The following SLC14A2 variants were observed in gnomAD, a reference collection of about 807,000 sequenced individuals.
SLC14A2 encodes urea transporter 2.
Under a neutral mutation model 104.6 loss-of-function variants are expected in SLC14A2, and 91 were observed. That is an observed-to-expected ratio of 0.87 (90% CI 0.73 to 1.04). The LOEUF is 1.04. Among genes scored for constraint, SLC14A2 ranks in the 50% least tolerant of loss-of-function variants. The pLI, the probability that SLC14A2 is intolerant of heterozygous loss-of-function variation, is 0.00. For missense variants in SLC14A2, 1,189 were observed against 1,156.0 expected (o/e 1.03, Z -0.41); for synonymous variants, 476 against 466.4 (o/e 1.02, Z -0.27).
intron 1 of SLC14A2, among the ~76,000 whole-genome samples, chr18:45,396,891 C>T (rs1005385090): frequency 6.6e-6 from 1 of 151,976 alleles, no homozygotes; most frequent in African/African-American, 2.4e-5. Flanking sequence ...ATCATTTAGC[C>T]CCCACTTATA....
At chr18:45,643,209 C>T (rs763370616) in intron 9 of SLC14A2, 28 bp downstream of exon 9, 2 of 1,603,596 alleles carry the variant, frequency 1.2e-6, no homozygotes, top group Non-Finnish European at 1.7e-6. Context: ...TGAACACTAC[C>T]CCAAAGTGCT....
chr18:45,284,765 G>A (rs563291565), intron 1 of SLC14A2, among the ~76,000 whole-genome samples: 3 of 152,158 alleles, frequency 2.0e-5, no homozygotes, highest in Non-Finnish European at 2.9e-5. Context: ...TACAAAACGA[G>A]GGTCTGGGGG....
At chr18:45,483,830 C>A (rs1022762172) in intron 2 of SLC14A2, among the ~76,000 whole-genome samples, 20 of 152,094 alleles carry the variant, frequency 1.3e-4, no homozygotes, top group African/African-American at 4.8e-4. Flanking sequence ...TGCCAGGCAT[C>A]GATTTATTGG....
intron 10 of SLC14A2, among the ~76,000 whole-genome samples, chr18:45,657,199 C>T (rs2045850623): frequency 6.6e-6 from 1 of 152,154 alleles, no homozygotes; most frequent in Admixed American, 6.5e-5. Flanking sequence ...AGGCCGGGCA[C>T]AGTGGCTCAC....
At chr18:45,532,193 T>C (rs927425774) in intron 2 of SLC14A2, among the ~76,000 whole-genome samples, 4 of 152,334 alleles carry the variant, frequency 2.6e-5, no homozygotes, top group East Asian at 1.9e-4. Flanking sequence ...GGCTCTTTTT[T>C]GGTTCCATAC....
At chr18:45,365,686 G>T (rs1245624047) in intron 1 of SLC14A2, among the ~76,000 whole-genome samples, 3 of 152,114 alleles carry the variant, frequency 2.0e-5, no homozygotes, top group Non-Finnish European at 4.4e-5. Context: ...ATGTCACTTG[G>T]GCAACACTTT....
At chr18:45,412,125 C>G (rs1265785020) in intron 1 of SLC14A2, among the ~76,000 whole-genome samples, 3 of 152,204 alleles carry the variant, frequency 2.0e-5, no homozygotes, top group African/African-American at 7.2e-5. Context: ...TCTCCCACTG[C>G]CTCAAGACTT....
intron 1 of SLC14A2, among the ~76,000 whole-genome samples, chr18:45,401,840 T>A (rs906132832): frequency 6.6e-6 from 1 of 152,124 alleles, no homozygotes; most frequent in Admixed American, 6.5e-5. Flanking sequence ...GGTGATACAT[T>A]AGATATGCTT....
At chr18:45,246,185 A>T (rs1193145533) in intron 1 of SLC14A2, among the ~76,000 whole-genome samples, 1 of 152,194 alleles carries the variant, frequency 6.6e-6, no homozygotes, top group Admixed American at 6.5e-5. Context: ...ATATATTCAC[A>T]TAGAGAGGAA....
the SLC14A2 span, among the ~76,000 whole-genome samples, chr18:45,201,421 G>A: frequency 0.01 from 1,542 of 152,010 alleles, 12 homozygotes; most frequent in Non-Finnish European, 0.018. Flanking sequence ...CATTTATATC[G>A]GTATGGACTC....
At chr18:45,378,784 T>C (rs1004117969) in intron 1 of SLC14A2, among the ~76,000 whole-genome samples, 11 of 152,112 alleles carry the variant, frequency 7.2e-5, no homozygotes, top group African/African-American at 2.7e-4. Context: ...GTTGTTGTTG[T>C]TTTGTTTTTT....
intron 2 of SLC14A2, among the ~76,000 whole-genome samples, chr18:45,565,717 A>C (rs2044257420): frequency 6.6e-6 from 1 of 152,208 alleles, no homozygotes; most frequent in Non-Finnish European, 1.5e-5. Flanking sequence ...ACATACAGCC[A>C]GGGCTGAATC....
At chr18:45,352,567 G>T (rs189502063) in intron 1 of SLC14A2, among the ~76,000 whole-genome samples, 24 of 152,252 alleles carry the variant, frequency 1.6e-4, no homozygotes, top group Admixed American at 1.4e-3. Context: ...GATGTGTAAG[G>T]GCAGATTTGA....
chr18:45,336,802 T>C (rs1165322593), intron 1 of SLC14A2, among the ~76,000 whole-genome samples: 1 of 152,190 alleles, frequency 6.6e-6, no homozygotes, highest in Non-Finnish European at 1.5e-5. Flanking sequence ...GCATCCTTCA[T>C]CAACTGGCCT....
At chr18:45,584,202 G>C (rs918559293) in intron 2 of SLC14A2, among the ~76,000 whole-genome samples, 4 of 152,148 alleles carry the variant, frequency 2.6e-5, no homozygotes, top group Non-Finnish European at 4.4e-5. Flanking sequence ...GTTTTTTTAA[G>C]ATTTTGGATA....
intron 1 of SLC14A2, among the ~76,000 whole-genome samples, chr18:45,411,744 A>G (rs2086217780): frequency 6.6e-6 from 1 of 152,106 alleles, no homozygotes; most frequent in South Asian, 2.1e-4. Context: ...ATGTCAGATA[A>G]AGCCACCAGA....
At chr18:45,618,183 G>T (rs1346305075) in intron 1 of SLC14A2, among the ~76,000 whole-genome samples, 6 of 152,190 alleles carry the variant, frequency 3.9e-5, no homozygotes, top group African/African-American at 1.4e-4. Flanking sequence ...AGGTGTTAAA[G>T]AATGGATTCC....
rs2046068992 is a variant in SLC14A2 at position 45,668,416 on chromosome 18, TCAGA to T, written c.1978_1981del (p.Asp660LysfsTer46). ...GGTGGGGCTGCTGATGGCCGTGTTC[TCAGA>T]CAAAGGTGACTACTACTGGTGGCTG... On this transcript the variant is annotated frameshift_variant, in exon 15 of 20. Coordinates refer to ENST00000255226, the MANE Select transcript of SLC14A2 (RefSeq NM_007163.4). LOFTEE classifies it high-confidence loss of function. 6.2e-7 allele frequency: 1 copy of T among 1,614,184 alleles called. No individual in the cohort carries two copies. Among genetic ancestry groups the T allele is most frequent in the South Asian group, 1.1e-5 (1 of 91,082 alleles).
intron 1 of SLC14A2, among the ~76,000 whole-genome samples, chr18:45,277,932 A>G (rs933278983): frequency 6.6e-5 from 10 of 152,204 alleles, no homozygotes; most frequent in Non-Finnish European, 1.3e-4. Flanking sequence ...GATTTCTCCC[A>G]GTAAGTACAC....
Sources: allele counts gnomAD v4.1 joint callset (sites outside exome capture counted in the v4.1 genomes callset), GRCh38; gene constraint gnomAD v4.1.1; transcripts MANE v1.5; gene names NCBI Gene and HGNC (gene_info 2026-07-23, HGNC 2026-07-21).